Variants in LGSN observed in about 807,000 individuals in gnomAD.
LGSN encodes the protein lengsin, lens protein with glutamine synthetase domain.
Under a neutral mutation model 19.5 loss-of-function variants are expected in LGSN, and 21 were observed. That is an observed-to-expected ratio of 1.07 (90% confidence interval 0.76 to 1.55). The LOEUF (loss-of-function observed/expected upper bound fraction) is 1.55. Among genes scored for constraint, LGSN ranks in the 40% most tolerant of loss-of-function variants. The pLI is 0.00. For missense variants in LGSN, 673 were observed against 608.5 expected (o/e 1.11, Z -1.12); for synonymous variants, 257 against 215.6 (o/e 1.19, Z -1.68).
chr6:63,316,100 A>G (rs1443626340), intron 1 of LGSN, among the ~76,000 whole-genome samples: 3 of 152,106 alleles, frequency 2.0e-5, no homozygotes, highest in Non-Finnish European at 4.4e-5. Context: ...GTCAGGGTCA[A>G]CCTGGTTAAT....
At chr6:63,513,740 G>A in the LGSN span, among the ~76,000 whole-genome samples, 6 of 151,618 alleles carry the variant, frequency 4.0e-5, no homozygotes, top group African/African-American at 1.2e-4. Flanking sequence ...GTGAAACCCC[G>A]TCTCTACTAA....
At chr6:63,404,071 A>G in the LGSN span, among the ~76,000 whole-genome samples, 1 of 152,140 alleles carries the variant, frequency 6.6e-6, no homozygotes, top group East Asian at 1.9e-4. Flanking sequence ...CTGGAGGAAT[A>G]TATTTCCCTG....
At chr6:63,524,783 C>G in the LGSN span, among the ~76,000 whole-genome samples, 1 of 152,132 alleles carries the variant, frequency 6.6e-6, no homozygotes, top group African/African-American at 2.4e-5. Flanking sequence ...TATATTATCT[C>G]ATTCAAAGTT....
At chr6:63,429,139 T>C in the LGSN span, among the ~76,000 whole-genome samples, 1 of 152,310 alleles carries the variant, frequency 6.6e-6, no homozygotes, top group East Asian at 1.9e-4. Flanking sequence ...GTCTGCAGTC[T>C]AACTGAAGAC....
the LGSN span, among the ~76,000 whole-genome samples, chr6:63,411,789 C>T: frequency 1.2e-4 from 19 of 152,030 alleles, no homozygotes; most frequent in Non-Finnish European, 2.4e-4. Context: ...TGGGGCTGCA[C>T]TGAGTCATGA....
chr6:63,423,795 T>TG, the LGSN span, among the ~76,000 whole-genome samples: 1 of 152,098 alleles, frequency 6.6e-6, no homozygotes, highest in South Asian at 2.1e-4. Flanking sequence ...CCCAACACTT[T>TG]GGGGGGCCGA....
the LGSN span, among the ~76,000 whole-genome samples, chr6:63,346,688 G>T: frequency 6.6e-6 from 1 of 152,176 alleles, no homozygotes; most frequent in South Asian, 2.1e-4. Context: ...CTCTGAAGTG[G>T]GGGCAATCCT....
the LGSN span, among the ~76,000 whole-genome samples, chr6:63,497,416 G>T: frequency 6.6e-6 from 1 of 152,064 alleles, no homozygotes; most frequent in African/African-American, 2.4e-5. Flanking sequence ...AGGCTGGGTG[G>T]CAGGCACCTG....
the LGSN span, among the ~76,000 whole-genome samples, chr6:63,326,200 C>T: frequency 1.3e-5 from 2 of 151,506 alleles, no homozygotes; most frequent in Non-Finnish European, 2.9e-5. Flanking sequence ...TGGTGTGTTA[C>T]AAACCTTGAG....
At chr6:63,427,532 C>A in the LGSN span, among the ~76,000 whole-genome samples, 2 of 152,110 alleles carry the variant, frequency 1.3e-5, no homozygotes, top group Admixed American at 1.3e-4. Flanking sequence ...AGTACAGATT[C>A]TCAATTTTTT....
the LGSN span, among the ~76,000 whole-genome samples, chr6:63,534,694 C>T: frequency 3.9e-4 from 59 of 151,058 alleles, no homozygotes; most frequent in Non-Finnish European, 7.4e-4. Flanking sequence ...ATGCCTGTAA[C>T]CCCAGCACTT....
At chr6:63,336,896 G>A in the LGSN span, among the ~76,000 whole-genome samples, 3 of 150,140 alleles carry the variant, frequency 2.0e-5, no homozygotes, top group South Asian at 4.2e-4. Context: ...CACCATGCCC[G>A]GCCCCAAAAA....
the LGSN span, among the ~76,000 whole-genome samples, chr6:63,507,738 T>G: frequency 6.6e-6 from 1 of 152,196 alleles, no homozygotes. Flanking sequence ...TTTATTTAGG[T>G]TAAGCAGAGC....
chr6:63,534,452 A>AACACAC, the LGSN span, among the ~76,000 whole-genome samples: 488 of 144,504 alleles, frequency 3.4e-3, 2 homozygotes, highest in Middle Eastern at 0.021. Context: ...CACACAGAGA[A>AACACAC]ACACACACAC....
At chr6:63,526,837 T>TATATATATG in the LGSN span, among the ~76,000 whole-genome samples, 1 of 87,734 alleles carries the variant, frequency 1.1e-5, no homozygotes, top group Non-Finnish European at 2.4e-5. Flanking sequence ...ATATATATAT[T>TATATATATG]TATTTATTTA....
At chr6:63,322,894 A>T (rs910255561), upstream of LGSN, among the ~76,000 whole-genome samples, 2 of 152,184 alleles carry the variant, frequency 1.3e-5, no homozygotes, top group Non-Finnish European at 2.9e-5. Flanking sequence ...TGTCCTTTTC[A>T]TTTGTTTCAG....
chr6:63,461,731 C>T, the LGSN span, among the ~76,000 whole-genome samples: 1 of 152,220 alleles, frequency 6.6e-6, no homozygotes, highest in African/African-American at 2.4e-5. Context: ...TCATACCCCA[C>T]GGCCCTGAAT....
At chr6:63,445,098 G>T in the LGSN span, among the ~76,000 whole-genome samples, 1 of 152,180 alleles carries the variant, frequency 6.6e-6, no homozygotes, top group East Asian at 1.9e-4. Context: ...ATCACCTGAG[G>T]TCAGGAGTTC....
chr6:63,547,540 C>G, the LGSN span, among the ~76,000 whole-genome samples: 1 of 109,918 alleles, frequency 9.1e-6, no homozygotes, highest in Admixed American at 1.2e-4. Context: ...GAGTCTTGCT[C>G]TGTCGCCCAG....
Sources: allele counts gnomAD v4.1 joint callset (sites outside exome capture counted in the v4.1 genomes callset), GRCh38; gene constraint gnomAD v4.1.1; transcripts MANE v1.5; gene names NCBI Gene and HGNC (gene_info 2026-07-23, HGNC 2026-07-21).